CIMAP1D: variants seen among roughly 807,000 people sequenced by gnomAD.
CIMAP1D encodes the protein protein CIMAP1D.
the CIMAP1D span, among the ~76,000 whole-genome samples, chr19:470,411 C>A: frequency 6.6e-6 from 1 of 151,940 alleles, no homozygotes; most frequent in South Asian, 2.1e-4. Flanking sequence ...CGGAGTTTCA[C>A]CATGTTAGCC....
the CIMAP1D span, among the ~76,000 whole-genome samples, chr19:475,558 C>A: frequency 6.6e-6 from 1 of 152,114 alleles, no homozygotes. Flanking sequence ...GGCAGCCGTG[C>A]AGAGGCCCTG....
chr19:478,252 AG>A, the CIMAP1D span, among the ~76,000 whole-genome samples: 2 of 141,104 alleles, frequency 1.4e-5, no homozygotes, highest in African/African-American at 3.0e-5. Context: ...AGAGGGGACA[AG>A]GGCCTGGAAG....
At chr19:485,341 G>A in the CIMAP1D span, among the ~76,000 whole-genome samples, 5 of 152,246 alleles carry the variant, frequency 3.3e-5, no homozygotes, top group Admixed American at 6.5e-5. Context: ...GCCCCGTGGC[G>A]CCCTGGGCAT....
At chr19:468,150 G>T in the CIMAP1D span, among the ~76,000 whole-genome samples, 1 of 152,116 alleles carries the variant, frequency 6.6e-6, no homozygotes, top group African/African-American at 2.4e-5. Context: ...AGGGTCACTT[G>T]AGCTCAGGAC....
chr19:483,772 C>T, the CIMAP1D span, among the ~76,000 whole-genome samples: 2 of 152,218 alleles, frequency 1.3e-5, no homozygotes, highest in African/African-American at 4.8e-5. Context: ...CAATCAATCC[C>T]CATGGGGCCG....
At chr19:477,976 T>A in the CIMAP1D span, among the ~76,000 whole-genome samples, 3 of 152,186 alleles carry the variant, frequency 2.0e-5, no homozygotes, top group Admixed American at 1.3e-4. Context: ...GAGCTCTCTC[T>A]ACCTGAGATG....
At chr19:482,545 G>T in the CIMAP1D span, among the ~76,000 whole-genome samples, 2 of 152,204 alleles carry the variant, frequency 1.3e-5, no homozygotes, top group Non-Finnish European at 2.9e-5. Context: ...ATGGGGAAAT[G>T]CTGCCTTAGT....
At chr19:465,715 G>T in the CIMAP1D span, among the ~76,000 whole-genome samples, 1 of 144,222 alleles carries the variant, frequency 6.9e-6, no homozygotes, top group African/African-American at 2.7e-5. Context: ...GTGGATAGAT[G>T]AATGAGTGGG....
chr19:466,821 T>C, the CIMAP1D span, among the ~76,000 whole-genome samples: 6 of 38,878 alleles, frequency 1.5e-4, no homozygotes, highest in African/African-American at 2.1e-4. Flanking sequence ...GGTGGAAGGA[T>C]GGGTGGATAG....
the CIMAP1D span, among the ~76,000 whole-genome samples, chr19:468,830 C>T: frequency 8.9e-5 from 4 of 44,726 alleles, no homozygotes; most frequent in Non-Finnish European, 4.9e-4. Flanking sequence ...GTCCGTGGCA[C>T]GCAGTGTGGC....
At chr19:464,224 AGGCATTAGG>A in the CIMAP1D span, 1 of 1,522,426 alleles carries the variant, frequency 6.6e-7, no homozygotes. Context: ...GGCATGGTGT[AGGCATTAGG>A]GGCAGGGGCT....
the CIMAP1D span, among the ~76,000 whole-genome samples, chr19:488,386 G>A: frequency 6.6e-6 from 1 of 152,124 alleles, no homozygotes; most frequent in Non-Finnish European, 1.5e-5. Context: ...GCCGGGCGTG[G>A]TGGCAGGCGC....
At chr19:485,980 T>G in the CIMAP1D span, among the ~76,000 whole-genome samples, 17 of 152,296 alleles carry the variant, frequency 1.1e-4, no homozygotes, top group African/African-American at 4.1e-4. Context: ...CGCCCCTTTG[T>G]TCCCGGGAGA....
the CIMAP1D span, among the ~76,000 whole-genome samples, chr19:488,157 C>G: frequency 6.6e-6 from 1 of 152,100 alleles, no homozygotes; most frequent in Non-Finnish European, 1.5e-5. Flanking sequence ...GAATAAACCG[C>G]TTCCTTCTCT....
the CIMAP1D span, among the ~76,000 whole-genome samples, chr19:483,303 C>G: frequency 6.6e-6 from 1 of 151,180 alleles, no homozygotes; most frequent in Non-Finnish European, 1.5e-5. Flanking sequence ...ACGCCTCTCC[C>G]AGCCCCAAAA....
At chr19:484,809 A>G in the CIMAP1D span, among the ~76,000 whole-genome samples, 2 of 152,114 alleles carry the variant, frequency 1.3e-5, no homozygotes, top group Admixed American at 6.5e-5. Context: ...CCCTGAGGAC[A>G]CGGAGAGGAC....
chr19:477,072 T>C, the CIMAP1D span, among the ~76,000 whole-genome samples: 2 of 151,764 alleles, frequency 1.3e-5, no homozygotes, highest in Non-Finnish European at 1.5e-5. Flanking sequence ...CCAGGAGTGG[T>C]GGTGTGTGCC....
the CIMAP1D span, among the ~76,000 whole-genome samples, chr19:479,199 C>G: frequency 6.6e-6 from 1 of 152,144 alleles, no homozygotes; most frequent in Non-Finnish European, 1.5e-5. Context: ...CCATCACCAC[C>G]CAGGCACAAA....
chr19:488,873 G>A, the CIMAP1D span, among the ~76,000 whole-genome samples: 2 of 152,226 alleles, frequency 1.3e-5, no homozygotes, highest in East Asian at 1.9e-4. Flanking sequence ...CCCCGTGCCG[G>A]GCCCCACGCA....
Sources: gnomAD v4.1 joint callset for allele counts (sites outside exome capture counted in the v4.1 genomes callset) on GRCh38, gnomAD v4.1.1 for gene constraint, MANE v1.5 for transcripts, NCBI Gene and HGNC (gene_info 2026-07-23, HGNC 2026-07-21) for gene names.